FHIT: variants seen among roughly 807,000 people sequenced by gnomAD.
The protein encoded by FHIT is fragile histidine triad diadenosine triphosphatase, also known as bis(5'-adenosyl)-triphosphatase.
A neutral mutation model predicts 17.9 loss-of-function variants in FHIT; 19 were observed. That is an observed-to-expected ratio of 1.06 (90% CI 0.74 to 1.56). The LOEUF is 1.56. Ranked by LOEUF, FHIT falls within the 40% of genes most tolerant of loss-of-function variation. The pLI is 0.00. For synonymous variants in FHIT, 81 were observed against 69.7 expected (o/e 1.16, Z -0.81); for missense variants, 248 against 189.2 (o/e 1.31, Z -1.82).
At chr3:60,142,013 G>A (rs776661630) in intron 5 of FHIT, among the ~76,000 whole-genome samples, 6 of 152,088 alleles carry the variant, frequency 3.9e-5, no homozygotes, top group Non-Finnish European at 5.9e-5. Context: ...ACAGACATGG[G>A]GGGATAAAAA....
intron 5 of FHIT, among the ~76,000 whole-genome samples, chr3:60,040,258 G>C (rs1208605953): frequency 6.6e-6 from 1 of 151,898 alleles, no homozygotes; most frequent in Non-Finnish European, 1.5e-5. Flanking sequence ...CAATTCTCCT[G>C]CTTCAGCCTC....
chr3:59,876,814 C>G (rs1410569569), intron 8 of FHIT, among the ~76,000 whole-genome samples: 1 of 152,194 alleles, frequency 6.6e-6, no homozygotes, highest in Admixed American at 6.5e-5. Context: ...AGGAAGCTAC[C>G]CTTTTTCATT....
In FHIT at chr3:60,220,966, C is replaced by T. The variant is rs967345569; in HGVS notation, c.104-206814G>A. 6.6e-5 allele frequency among the ~76,000 whole-genome samples: 10 copies of T among 152,130 alleles called. 1 individual carries two copies. The highest frequency in any genetic ancestry group is 4.4e-5 in the Non-Finnish European group (3 of 68,024). On this transcript the variant is annotated intron_variant, in intron 5 of 9. Coordinates refer to ENST00000492590, the MANE Select transcript of FHIT (RefSeq NM_002012.4). ...GGATTGTTTTAATATATATTCACAG[C>T]ATGTGTCATTATGGCTCCTGGCGGC...
At chr3:60,443,482 AG>A (rs1459400451) in intron 5 of FHIT, among the ~76,000 whole-genome samples, 1 of 152,134 alleles carries the variant, frequency 6.6e-6, no homozygotes, top group Admixed American at 6.6e-5. Flanking sequence ...TTTAGCATGA[AG>A]GGCTGTTGAA....
chr3:61,120,576 C>T (rs2036427662), intron 2 of FHIT, among the ~76,000 whole-genome samples: 1 of 152,142 alleles, frequency 6.6e-6, no homozygotes, highest in African/African-American at 2.4e-5. Context: ...TTCTCGTTTA[C>T]AGAAATGCCT....
intron 5 of FHIT, among the ~76,000 whole-genome samples, chr3:60,530,748 T>C (rs1182803932): frequency 6.6e-6 from 1 of 152,204 alleles, no homozygotes; most frequent in East Asian, 1.9e-4. Flanking sequence ...CACAGCAAGT[T>C]TGTCTTACAA....
At chr3:61,163,082 T>G (rs1261703109) in intron 2 of FHIT, among the ~76,000 whole-genome samples, 4 of 152,214 alleles carry the variant, frequency 2.6e-5, no homozygotes, top group African/African-American at 7.2e-5. Context: ...GACTGTGCTG[T>G]ACTCCTGTCT....
chr3:60,588,478 C>A (rs1439785835), intron 4 of FHIT, among the ~76,000 whole-genome samples: 2 of 151,374 alleles, frequency 1.3e-5, no homozygotes, highest in Admixed American at 1.3e-4. Context: ...GAAAAAGAAT[C>A]GAAGGAGGGA....
chr3:60,309,668 A>G (rs1708851370), intron 5 of FHIT, among the ~76,000 whole-genome samples: 2 of 152,170 alleles, frequency 1.3e-5, no homozygotes, highest in African/African-American at 4.8e-5. Context: ...CAGTAAGCCA[A>G]CAGACTCTGA....
intron 5 of FHIT, among the ~76,000 whole-genome samples, chr3:60,245,765 G>A (rs1052232499): frequency 6.6e-6 from 1 of 151,816 alleles, no homozygotes; most frequent in South Asian, 2.1e-4. Flanking sequence ...TTTAATATCA[G>A]GAAAATGTTT....
At chr3:60,711,571 A>T (rs528537413) in intron 4 of FHIT, among the ~76,000 whole-genome samples, 2 of 152,354 alleles carry the variant, frequency 1.3e-5, no homozygotes, top group South Asian at 4.1e-4. Flanking sequence ...AATACAGAGA[A>T]GTGCTTAAAG....
At chr3:60,978,896 G>A (rs1710374107) in intron 3 of FHIT, among the ~76,000 whole-genome samples, 1 of 152,134 alleles carries the variant, frequency 6.6e-6, no homozygotes, top group South Asian at 2.1e-4. Flanking sequence ...GTTGTGTAGA[G>A]TTGTAACCAC....
chr3:59,863,227 T>C (rs1011026760), intron 8 of FHIT, among the ~76,000 whole-genome samples: 7 of 152,196 alleles, frequency 4.6e-5, no homozygotes, highest in Admixed American at 1.3e-4. Flanking sequence ...AAAGTCTTAA[T>C]GAACATCAGA....
intron 7 of FHIT, among the ~76,000 whole-genome samples, chr3:60,000,466 A>G (rs985505168): frequency 4.6e-5 from 7 of 152,180 alleles, no homozygotes; most frequent in Non-Finnish European, 5.9e-5. Context: ...CTCACAGCCT[A>G]AAATGTTTAC....
intron 7 of FHIT, among the ~76,000 whole-genome samples, chr3:59,997,862 TAAGCC>T (rs1699578636): frequency 6.6e-6 from 1 of 152,152 alleles, no homozygotes; most frequent in African/African-American, 2.4e-5. Flanking sequence ...GTGATAAATA[TAAGCC>T]CTTCTGCTGT....
intron 7 of FHIT, among the ~76,000 whole-genome samples, chr3:60,008,059 C>T (rs1321703058): frequency 1.3e-5 from 2 of 152,104 alleles, no homozygotes; most frequent in Non-Finnish European, 2.9e-5. Flanking sequence ...CAGGTCCTCA[C>T]AAAGCTTACC....
At chr3:61,239,761 C>CTATATATATATA (rs1491311135) in intron 1 of FHIT, among the ~76,000 whole-genome samples, 2,639 of 63,060 alleles carry the variant, frequency 0.042, 179 homozygotes, top group African/African-American at 0.098. Context: ...AAACAACTGG[C>CTATATATATATA]CATATATATA....
intron 5 of FHIT, among the ~76,000 whole-genome samples, chr3:60,200,120 G>A (rs1186788904): frequency 6.6e-6 from 1 of 152,086 alleles, no homozygotes; most frequent in Non-Finnish European, 1.5e-5. Flanking sequence ...GTAAGACTTG[G>A]ACACTAGGGA....
intron 5 of FHIT, among the ~76,000 whole-genome samples, chr3:60,270,457 G>A (rs1413399452): frequency 6.6e-6 from 1 of 152,168 alleles, no homozygotes; most frequent in African/African-American, 2.4e-5. Flanking sequence ...AACCTTACCT[G>A]CAATATGGGA....
Sources: gnomAD v4.1 joint callset for allele counts (sites outside exome capture counted in the v4.1 genomes callset) on GRCh38, gnomAD v4.1.1 for gene constraint, MANE v1.5 for transcripts, NCBI Gene and HGNC (gene_info 2026-07-23, HGNC 2026-07-21) for gene names.